CAP2: variants seen among roughly 807,000 people sequenced by gnomAD.
The protein encoded by CAP2 is cyclase associated actin cytoskeleton regulatory protein 2, also known as adenylyl cyclase-associated protein 2.
CAP2 carries 24 observed loss-of-function variants against 57.7 expected under a neutral mutation model. That is an observed-to-expected ratio of 0.42 (90% CI 0.30 to 0.58). The LOEUF is 0.58. Ranked by LOEUF, CAP2 falls within the 20% of genes least tolerant of loss-of-function variation. The pLI is 0.22. For synonymous variants in CAP2, 194 were observed against 207.2 expected, an observed-to-expected ratio of 0.94 and a Z score of 0.55; for missense variants, 501 against 590.3, an observed-to-expected ratio of 0.85 and a Z score of 1.57.
At chr6:17,477,539 T>C (rs1022571073) in intron 4 of CAP2, among the ~76,000 whole-genome samples, 1 of 152,188 alleles carries the variant, frequency 6.6e-6, no homozygotes, top group Non-Finnish European at 1.5e-5. Context: ...TCTGAAAACC[T>C]CCTCTTGTCT....
chr6:17,450,017 C>T (rs1760361957), intron 3 of CAP2, among the ~76,000 whole-genome samples: 1 of 151,750 alleles, frequency 6.6e-6, no homozygotes, highest in African/African-American at 2.4e-5. Flanking sequence ...CCACAGAAAT[C>T]ATCCTTTTTG....
chr6:17,463,025 C>G lies in CAP2; in HGVS notation c.252C>G (p.Ala84=). 6.2e-7 allele frequency: 1 copy of G among 1,614,084 alleles called. No individual in the cohort carries two copies. The highest frequency in any genetic ancestry group is 8.5e-7 in the Non-Finnish European group (1 of 1,179,970). Residue 84 remains alanine (A), a synonymous_variant, in exon 4 of 13, where the codon GCC becomes GCG. Transcript: ENST00000229922. The stretch of plus-strand genomic sequence containing the variant: ...AAATGGTGCACAGTGCTTTCCAGGC[C>G]CAGCGGGCTTTCCTTCTGATGGCCT... ...HAEMVHSAFQ[A]QRAFLLMASQ... is the part of the protein sequence containing the mutation.
Position 17,443,874 on chromosome 6 carries a change from T to C in CAP2, c.222+17184T>C, listed in dbSNP as rs145031425. ...ATGCCAGATTTTACATACACACACA[T>C]ATGTTATAACATATTACACACCAAG... On this transcript the variant is annotated intron_variant, in intron 3 of 12. Transcript: ENST00000229922. Among the ~76,000 whole-genome samples, 808 of 152,314 alleles carry C rather than the reference T, an allele frequency of 5.3e-3. 5 individuals carry two copies. Among genetic ancestry groups the C allele is most frequent in the African/African-American group, 0.018 (755 of 41,562 alleles).
chr6:17,549,534 C>T (rs1763124224), intron 11 of CAP2, among the ~76,000 whole-genome samples: 1 of 152,044 alleles, frequency 6.6e-6, no homozygotes, highest in South Asian at 2.1e-4. Flanking sequence ...AATATTAAGG[C>T]AATTCAGACA....
At chr6:17,420,758 T>A (rs1256515766) in intron 1 of CAP2, among the ~76,000 whole-genome samples, 1 of 152,196 alleles carries the variant, frequency 6.6e-6, no homozygotes, top group African/African-American at 2.4e-5. Context: ...GGAAGCAGTA[T>A]AAAGGGAGTG....
chr6:17,498,529 C>T (rs1165150145), intron 4 of CAP2, among the ~76,000 whole-genome samples: 23 of 152,064 alleles, frequency 1.5e-4, no homozygotes, highest in Admixed American at 1.4e-3. Context: ...AGGGCTGCCC[C>T]GGAGGTCTTA....
chr6:17,399,883 A>T (rs1352718019), intron 1 of CAP2, among the ~76,000 whole-genome samples: 1 of 152,180 alleles, frequency 6.6e-6, no homozygotes, highest in Non-Finnish European at 1.5e-5. Context: ...AGTTCTGAAG[A>T]GGAAGATGGT....
At chr6:17,484,618 C>T (rs1479231659) in intron 4 of CAP2, among the ~76,000 whole-genome samples, 6 of 152,052 alleles carry the variant, frequency 3.9e-5, no homozygotes, top group Non-Finnish European at 8.8e-5. Flanking sequence ...AAATGGAATA[C>T]ATTTGGGGCC....
intron 1 of CAP2, among the ~76,000 whole-genome samples, chr6:17,408,423 A>G (rs1759046042): frequency 6.6e-6 from 1 of 152,110 alleles, no homozygotes; most frequent in African/African-American, 2.4e-5. Flanking sequence ...GAATGGCACC[A>G]AGCCATTCAT....
rs986105578 is a variant in CAP2 at position 17,513,673 on chromosome 6, G to T, written c.531-176G>T. ...GCCGCCTCCCCTCAGGAGAGTACTGGGCCAGCTTCCTCCCAGGGTTCCCTT... is the reference window on the plus strand; with the variant it reads ...GCCGCCTCCCCTCAGGAGAGTACTGTGCCAGCTTCCTCCCAGGGTTCCCTT... On this transcript the variant is annotated intron_variant, in intron 6 of 12. Transcript: ENST00000229922. This position sits in a 1 kb window ranked among gnomAD's most constrained non-coding sequence, Gnocchi z 4.3. 6.6e-6 allele frequency among the ~76,000 whole-genome samples: 1 copy of T among 152,064 alleles called. No individual in the cohort carries two copies. The highest frequency in any genetic ancestry group is 1.5e-5 in the Non-Finnish European group (1 of 68,022).
intron 6 of CAP2, among the ~76,000 whole-genome samples, chr6:17,512,480 A>G (rs1762179836): frequency 6.6e-6 from 1 of 152,222 alleles, no homozygotes; most frequent in Non-Finnish European, 1.5e-5. Flanking sequence ...TGTTGTATGT[A>G]CATACACATA....
At chr6:17,478,645 C>G (rs1761215930) in intron 4 of CAP2, among the ~76,000 whole-genome samples, 2 of 152,008 alleles carry the variant, frequency 1.3e-5, no homozygotes, top group Non-Finnish European at 2.9e-5. Context: ...CCAAACAAAA[C>G]AAAAACAACT....
chr6:17,551,447 A>AT lies in CAP2; in HGVS notation c.1210-11dup, dbSNP rs1763169117. ...CTGTTTCTTTGCTTTGGTCCCAGGT[A>AT]TTTTTTCCTATTTCAGGTAATGGGG... On this transcript the variant is annotated splice_polypyrimidine_tract_variant and intron_variant, in intron 11 of 12. Coordinates refer to ENST00000229922, the MANE Select transcript of CAP2 (RefSeq NM_006366.3). 1 of 1,577,378 alleles carries AT rather than the reference A, an allele frequency of 6.3e-7. No individual in the cohort carries two copies. Among genetic ancestry groups the AT allele is most frequent in the Non-Finnish European group, 8.6e-7 (1 of 1,159,274 alleles).
In CAP2 at chr6:17,426,640, G is replaced by A. The variant is rs1219433817; in HGVS notation, c.172G>A (p.Ala58Thr). The change falls in exon 3 of 13, where the codon GCC becomes ACC. Residue 58 changes from alanine (A) to threonine (T), a missense_variant. Ala to Thr is a moderately conservative substitution (Grantham distance 58). Transcript: ENST00000229922. Reference protein sequence around the residue: ...AFDKLMDSMVAEFLKNSRILA... With the variant: ...AFDKLMDSMVTEFLKNSRILA... ...TGACAAGCTGATGGACAGTATGGTG[G>A]CCGAGTTTTTAAAGAACAGTAGGAT... The A allele has an allele frequency of 5.0e-6, 8 of 1,613,968 alleles. No individual in the cohort carries two copies. The highest frequency in any genetic ancestry group is 6.8e-6 in the Non-Finnish European group (8 of 1,179,976).
intron 1 of CAP2, among the ~76,000 whole-genome samples, chr6:17,415,756 C>A (rs964108565): frequency 1.3e-5 from 2 of 152,120 alleles, no homozygotes; most frequent in Admixed American, 1.3e-4. Context: ...TTTAATTGGG[C>A]CGTATGTCTC....
At chr6:17,495,120 C>CATAA (rs1404881245) in intron 4 of CAP2, among the ~76,000 whole-genome samples, 1 of 152,056 alleles carries the variant, frequency 6.6e-6, no homozygotes, top group Non-Finnish European at 1.5e-5. Flanking sequence ...AGATCCTTGT[C>CATAA]ATAAATAAAT....
chr6:17,521,350 G>A (rs1041093964), intron 7 of CAP2, among the ~76,000 whole-genome samples: 1 of 151,968 alleles, frequency 6.6e-6, no homozygotes, highest in Non-Finnish European at 1.5e-5. Context: ...CCTGGGAGGC[G>A]GAGCTTGCAG....
intron 4 of CAP2, among the ~76,000 whole-genome samples, chr6:17,464,337 T>C (rs1760806164): frequency 6.6e-6 from 1 of 152,212 alleles, no homozygotes; most frequent in South Asian, 2.1e-4. Context: ...TTAAATGTAA[T>C]AACTCACTTT....
At chr6:17,533,538 G>A (rs977984538) in intron 7 of CAP2, among the ~76,000 whole-genome samples, 1 of 151,714 alleles carries the variant, frequency 6.6e-6, no homozygotes, top group Admixed American at 6.6e-5. Context: ...TCTGAATATG[G>A]GCATTTAAAA....
Sources: allele counts gnomAD v4.1 joint callset (sites outside exome capture counted in the v4.1 genomes callset), GRCh38; gene constraint gnomAD v4.1.1; non-coding constraint Gnocchi (gnomAD v3.1); transcripts MANE v1.5; gene names NCBI Gene and HGNC (gene_info 2026-07-23, HGNC 2026-07-21).